Variants in NEDD4 observed in about 807,000 individuals in gnomAD.
The protein encoded by NEDD4 is E3 ubiquitin-protein ligase NEDD4.
Under a neutral mutation model 144.9 loss-of-function variants are expected in NEDD4, and 99 were observed. The observed-to-expected ratio is 0.68, with a 90% CI of 0.58 to 0.81. The LOEUF (loss-of-function observed/expected upper bound fraction) is 0.81. Among genes scored for constraint, NEDD4 ranks in the 30% least tolerant of loss-of-function variants. The pLI is 0.00. For missense variants in NEDD4, 985 were observed against 1,065.9 expected, an observed-to-expected ratio of 0.92 and a Z score of 1.06; for synonymous variants, 318 against 350.6, an observed-to-expected ratio of 0.91 and a Z score of 1.04.
chr15:55,836,770 T>C (rs1235554475), intron 24 of NEDD4, among the ~76,000 whole-genome samples: 1 of 152,118 alleles, frequency 6.6e-6, no homozygotes, highest in Admixed American at 6.5e-5. Context: ...TCAGGCAATC[T>C]GCCCACCTCG....
chr15:55,845,810 T>C (rs1317392561), intron 18 of NEDD4, among the ~76,000 whole-genome samples: 26 of 151,474 alleles, frequency 1.7e-4, no homozygotes, highest in African/African-American at 6.0e-4. Context: ...TTTTTTTTTT[T>C]TGAGACACTC....
At chr15:55,887,667 C>A (rs2035437418) in intron 5 of NEDD4, among the ~76,000 whole-genome samples, 1 of 152,030 alleles carries the variant, frequency 6.6e-6, no homozygotes, top group Non-Finnish European at 1.5e-5. Flanking sequence ...CAAAACCAAA[C>A]AGACACAACC....
intron 4 of NEDD4, among the ~76,000 whole-genome samples, chr15:55,937,123 T>C (rs1161391300): frequency 6.6e-6 from 1 of 152,192 alleles, no homozygotes; most frequent in Non-Finnish European, 1.5e-5. Context: ...AACTTCAACT[T>C]GGAGTTTCCC....
At chr15:55,980,377 A>G (rs1306572895) in intron 1 of NEDD4, among the ~76,000 whole-genome samples, 1 of 152,178 alleles carries the variant, frequency 6.6e-6, no homozygotes, top group Admixed American at 6.5e-5. Context: ...GTCTGAGAAC[A>G]GCGGCTGCTG....
intron 4 of NEDD4, among the ~76,000 whole-genome samples, chr15:55,940,807 C>T (rs1450517656): frequency 6.6e-6 from 1 of 151,850 alleles, no homozygotes; most frequent in African/African-American, 2.4e-5. Context: ...TAGGCATGAG[C>T]CACCATGCCA....
chr15:55,905,641 C>T (rs1031462159), intron 5 of NEDD4, among the ~76,000 whole-genome samples: 12 of 152,092 alleles, frequency 7.9e-5, no homozygotes, highest in African/African-American at 2.4e-4. Context: ...ACAAGTAGGA[C>T]GTTAGGACTA....
At chr15:55,993,306 T>G (rs1047159108) in intron 1 of NEDD4, among the ~76,000 whole-genome samples, 20 of 152,058 alleles carry the variant, frequency 1.3e-4, no homozygotes, top group Non-Finnish European at 2.8e-4. Context: ...CCCGACAAGC[T>G]TGCTCCCTCC....
chr15:55,849,302 G>A (rs1169431988), intron 14 of NEDD4, among the ~76,000 whole-genome samples: 1 of 152,146 alleles, frequency 6.6e-6, no homozygotes, highest in Non-Finnish European at 1.5e-5. Context: ...TCAGCTCAAT[G>A]CAACCTCTTC....
intron 1 of NEDD4, among the ~76,000 whole-genome samples, chr15:55,967,035 C>T (rs775162262): frequency 2.6e-5 from 4 of 151,930 alleles, no homozygotes; most frequent in Admixed American, 1.3e-4. Flanking sequence ...TACAGGCATG[C>T]GCCACCATGC....
chr15:55,837,432 C>A (rs1314122193), intron 24 of NEDD4, among the ~76,000 whole-genome samples: 13 of 126,238 alleles, frequency 1.0e-4, no homozygotes, highest in South Asian at 2.7e-4. Context: ...ACTCCGCGCT[C>A]AAAAAAAAAA....
In NEDD4 at chr15:55,840,742, CCATTTAAATACTT is replaced by C; in HGVS notation, c.1839-28_1839-16del. ...TATAATTGTCCCTGTAAAGACAACC[CCATTTAAATACTT>C]CATTTGAAAAACTTTAATATGACAA... is the stretch of plus-strand genomic sequence containing the variant. On this transcript the variant is annotated splice_polypyrimidine_tract_variant and intron_variant, in intron 19 of 28. Coordinates refer to ENST00000435532, the MANE Select transcript of NEDD4 (RefSeq NM_006154.4). 1 of 1,590,202 alleles carries C rather than the reference CCATTTAAATACTT, an allele frequency of 6.3e-7. No homozygotes were observed. The highest frequency in any genetic ancestry group is 8.5e-7 in the Non-Finnish European group (1 of 1,171,940).
At chr15:55,850,263 G>C (rs191487427) in intron 14 of NEDD4, among the ~76,000 whole-genome samples, 3 of 152,142 alleles carry the variant, frequency 2.0e-5, no homozygotes, top group Admixed American at 2.0e-4. Flanking sequence ...TAAAAGCAAA[G>C]GATTATTCCT....
At chr15:55,911,556 G>A (rs573649609) in intron 5 of NEDD4, among the ~76,000 whole-genome samples, 38 of 151,430 alleles carry the variant, frequency 2.5e-4, no homozygotes, top group African/African-American at 8.7e-4. Flanking sequence ...TTGAGACGGG[G>A]TTTCGCTCTG....
intron 5 of NEDD4, chr15:55,916,454 A>G: frequency 1.9e-6 from 3 of 1,614,078 alleles, no homozygotes; most frequent in South Asian, 1.1e-5. Context: ...TATCGACCAC[A>G]GCACTACTGT....
intron 18 of NEDD4, among the ~76,000 whole-genome samples, 176 bp from the exon 19 acceptor site, chr15:55,842,339 A>G (rs1322203013): frequency 6.6e-6 from 1 of 152,204 alleles, no homozygotes. Flanking sequence ...CTATGGTATG[A>G]GACAGTTTCT....
At chr15:55,888,329 T>C (rs1231159096) in intron 5 of NEDD4, among the ~76,000 whole-genome samples, 3 of 152,184 alleles carry the variant, frequency 2.0e-5, no homozygotes, top group Non-Finnish European at 4.4e-5. Flanking sequence ...CATTTCTCAA[T>C]GCCAAGAGTA....
intron 24 of NEDD4, 24 bp downstream of exon 24, chr15:55,837,765 G>A: frequency 1.3e-6 from 2 of 1,582,626 alleles, no homozygotes; most frequent in South Asian, 1.1e-5. Context: ...CATTATGGAA[G>A]AGCAAATAAA....
At chr15:55,943,311 G>A (rs1462901710) in intron 4 of NEDD4, among the ~76,000 whole-genome samples, 2 of 152,318 alleles carry the variant, frequency 1.3e-5, no homozygotes, top group South Asian at 2.1e-4. Flanking sequence ...AGACAATGGG[G>A]AAGATGCCTT....
intron 2 of NEDD4, among the ~76,000 whole-genome samples, chr15:55,965,658 G>GTATGTATA (rs2037499711): frequency 7.9e-6 from 1 of 127,290 alleles, no homozygotes; most frequent in Admixed American, 7.6e-5. Context: ...TATTTGGTAT[G>GTATGTATA]TATGTATGTA....
Sources: gnomAD v4.1 joint callset for allele counts (sites outside exome capture counted in the v4.1 genomes callset) on GRCh38, gnomAD v4.1.1 for gene constraint, MANE v1.5 for transcripts, NCBI Gene and HGNC (gene_info 2026-07-23, HGNC 2026-07-21) for gene names.